PDZRN4: variants seen among roughly 807,000 people sequenced by gnomAD.
The protein encoded by PDZRN4 is PDZ domain containing ring finger 4, also known as PDZ domain-containing RING finger protein 4.
A neutral mutation model predicts 99.0 loss-of-function variants in PDZRN4; 70 were observed. That is an observed-to-expected ratio of 0.71 (90% CI 0.58 to 0.86). The LOEUF (loss-of-function observed/expected upper bound fraction) is 0.86, where lower values mean the gene tolerates loss of function less well. PDZRN4 is among the 40% of genes least tolerant of loss of function. The probability of loss-of-function intolerance (pLI) is 0.00; values close to 1 mark genes in which losing one functional copy is unlikely to be tolerated. For synonymous variants in PDZRN4, 551 were observed against 501.6 expected, an observed-to-expected ratio of 1.10 and a Z score of -1.32; for missense variants, 1,474 against 1,331.2, an observed-to-expected ratio of 1.11 and a Z score of -1.67.
intron 5 of PDZRN4, among the ~76,000 whole-genome samples, chr12:41,535,692 G>A (rs550219018): frequency 6.6e-6 from 1 of 152,202 alleles, no homozygotes; most frequent in South Asian, 2.1e-4. Flanking sequence ...CCATGGGAGT[G>A]GGTTTGTTAT....
At chr12:41,516,192 T>A (rs1204938351) in intron 5 of PDZRN4, among the ~76,000 whole-genome samples, 3 of 152,044 alleles carry the variant, frequency 2.0e-5, no homozygotes, top group African/African-American at 4.8e-5. Context: ...CTGTAAATAT[T>A]TTCTGTCGTT....
chr12:41,189,814 C>A (rs1217176262), intron 1 of PDZRN4, among the ~76,000 whole-genome samples: 5 of 152,070 alleles, frequency 3.3e-5, no homozygotes. Flanking sequence ...TGTGTGCGAC[C>A]TGGGAAGTCC....
intron 5 of PDZRN4, among the ~76,000 whole-genome samples, chr12:41,532,675 T>C (rs141069818): frequency 9.0e-4 from 137 of 152,292 alleles, no homozygotes; most frequent in African/African-American, 3.2e-3. Context: ...AGTACAGACT[T>C]CGGAAATCCC....
At chr12:41,493,840 G>T (rs1274250533) in intron 3 of PDZRN4, among the ~76,000 whole-genome samples, 1 of 150,238 alleles carries the variant, frequency 6.7e-6, no homozygotes, top group East Asian at 2.0e-4. Flanking sequence ...CTGGAAAATT[G>T]GCAGGCACTA....
chr12:41,483,987 G>A (rs1422639538), intron 3 of PDZRN4, among the ~76,000 whole-genome samples: 3 of 151,924 alleles, frequency 2.0e-5, no homozygotes, highest in Admixed American at 6.6e-5. Flanking sequence ...ATTCCATTCT[G>A]AAAAAAATCA....
At chr12:41,263,246 G>A (rs1357039443) in intron 3 of PDZRN4, among the ~76,000 whole-genome samples, 1 of 152,070 alleles carries the variant, frequency 6.6e-6, no homozygotes, top group African/African-American at 2.4e-5. Context: ...AATGTATCTT[G>A]TATTCACTTA....
chr12:41,478,001 G>T, intron 3 of PDZRN4: 2 of 872,716 alleles, frequency 2.3e-6, no homozygotes, highest in Non-Finnish European at 3.6e-6. Flanking sequence ...ATATAGATAA[G>T]AGGACAAATG....
intron 3 of PDZRN4, among the ~76,000 whole-genome samples, chr12:41,457,999 A>T (rs1212962407): frequency 6.6e-6 from 1 of 152,158 alleles, no homozygotes; most frequent in Non-Finnish European, 1.5e-5. Flanking sequence ...GGGAGGGGGA[A>T]TTGGACTAAG....
chr12:41,563,656 A>G lies in PDZRN4; in HGVS notation c.1467+7A>G. 6.3e-7 allele frequency: 1 copy of G among 1,597,356 alleles called. No individual in the cohort carries two copies. The highest frequency in any genetic ancestry group is 8.6e-7 in the Non-Finnish European group (1 of 1,165,898). ...TGCAAGGCCAGAGATTCAGGTCAGA[A>G]CAGAGATCAAAAGCCTTGAGACTGA... On this transcript the variant is annotated splice_region_variant and intron_variant, in intron 8 of 9. Transcript: ENST00000402685.
At chr12:41,318,548 A>G (rs1008121747) in intron 3 of PDZRN4, among the ~76,000 whole-genome samples, 1 of 152,198 alleles carries the variant, frequency 6.6e-6, no homozygotes, top group Non-Finnish European at 1.5e-5. Context: ...GTAAGTCAAC[A>G]TGGTGAGATG....
intron 3 of PDZRN4, among the ~76,000 whole-genome samples, chr12:41,302,365 G>A (rs1430432873): frequency 6.6e-6 from 1 of 152,064 alleles, no homozygotes; most frequent in Admixed American, 6.6e-5. Context: ...TGATATTGTA[G>A]CTTCTTGTGC....
At chr12:41,533,192 T>G (rs1938690881) in intron 5 of PDZRN4, among the ~76,000 whole-genome samples, 1 of 151,764 alleles carries the variant, frequency 6.6e-6, no homozygotes, top group Non-Finnish European at 1.5e-5. Context: ...TTTTTTTTTT[T>G]GAGATGGAGT....
chr12:41,522,648 G>T (rs1338911636), intron 5 of PDZRN4, among the ~76,000 whole-genome samples: 3 of 152,042 alleles, frequency 2.0e-5, no homozygotes, highest in African/African-American at 7.2e-5. Context: ...TCTGCCAAAA[G>T]AAAAGAAAGC....
intron 3 of PDZRN4, among the ~76,000 whole-genome samples, chr12:41,264,260 A>G (rs935514247): frequency 7.2e-5 from 11 of 152,206 alleles, no homozygotes; most frequent in African/African-American, 2.7e-4. Flanking sequence ...TGGCTTTATG[A>G]AAGTAAACTT....
intron 3 of PDZRN4, among the ~76,000 whole-genome samples, chr12:41,460,830 T>A (rs947981198): frequency 2.0e-5 from 3 of 152,244 alleles, no homozygotes; most frequent in African/African-American, 7.2e-5. Context: ...TAACTCTAGA[T>A]GAATAAGTTC....
chr12:41,571,364 TCTCTCTCTCTCTCACACACACA>T (rs1014485252), intron 9 of PDZRN4, among the ~76,000 whole-genome samples: 12 of 97,810 alleles, frequency 1.2e-4, no homozygotes, highest in African/African-American at 4.3e-4. Flanking sequence ...TCTCTCTCTC[TCTCTCTCTCTCTCACACACACA>T]CACACACACA....
chr12:41,432,986 G>C (rs1158066588), intron 3 of PDZRN4, among the ~76,000 whole-genome samples: 1 of 152,158 alleles, frequency 6.6e-6, no homozygotes, highest in Non-Finnish European at 1.5e-5. Flanking sequence ...CAAAGTCCCA[G>C]GCATATGAAG....
chr12:41,423,813 G>A (rs1186983126), intron 3 of PDZRN4, among the ~76,000 whole-genome samples: 1 of 152,092 alleles, frequency 6.6e-6, no homozygotes, highest in East Asian at 1.9e-4. Context: ...GGGGAGCTGG[G>A]GTAAGAAAAG....
intron 3 of PDZRN4, among the ~76,000 whole-genome samples, chr12:41,285,187 A>G (rs1361767741): frequency 6.6e-6 from 1 of 152,216 alleles, no homozygotes; most frequent in Non-Finnish European, 1.5e-5. Context: ...CCCATCGAAA[A>G]ACAGGCAAAG....
Sources: gnomAD v4.1 joint callset for allele counts (sites outside exome capture counted in the v4.1 genomes callset) on GRCh38, gnomAD v4.1.1 for gene constraint, MANE v1.5 for transcripts, NCBI Gene and HGNC (gene_info 2026-07-23, HGNC 2026-07-21) for gene names.